NPAS3: variants seen among roughly 807,000 people sequenced by gnomAD.
NPAS3 encodes the protein neuronal PAS domain protein 3.
In NPAS3, 14 loss-of-function variants were observed where a neutral mutation model predicts 73.1. That is an observed-to-expected ratio of 0.19 (90% CI 0.13 to 0.30). NPAS3 has a LOEUF of 0.30. Among genes scored for constraint, NPAS3 ranks in the 10% least tolerant of loss-of-function variants. NPAS3 has a pLI of 1.00. For synonymous variants in NPAS3, 620 were observed against 541.5 expected (o/e 1.14, Z -2.01); for missense variants, 1,096 against 1,250.0 (o/e 0.88, Z 1.86).
chr14:33,247,039 G>GAGAA (rs796205346), intron 3 of NPAS3, among the ~76,000 whole-genome samples: 1 of 151,590 alleles, frequency 6.6e-6, no homozygotes, highest in Middle Eastern at 3.4e-3. Context: ...AAACAAAAAA[G>GAGAA]AGAAAGAAAG....
chr14:33,697,771 T>G (rs1443817750), intron 6 of NPAS3, among the ~76,000 whole-genome samples: 1 of 152,216 alleles, frequency 6.6e-6, no homozygotes, highest in Non-Finnish European at 1.5e-5. Context: ...ACCCAGTGTT[T>G]TAGACTTCCA....
In NPAS3 at chr14:33,731,563, C is replaced by T. The variant is rs143393477; in HGVS notation, c.734-3651C>T. On this transcript the variant is annotated intron_variant, in intron 6 of 11. Coordinates refer to ENST00000356141, the Ensembl canonical transcript of NPAS3. ...GGCCCTAGTTTCAGCCCAGTGAGAA[C>T]TAGGTGGCTCCCAGACACCTCCTCT... Among the ~76,000 whole-genome samples the T allele has an allele frequency of 3.1e-4, 47 of 152,156 alleles. 2 individuals carry two copies. The East Asian group carries it at 8.9e-3, about 29-fold the overall frequency.
chr14:33,635,250 G>A (rs1331684602), intron 5 of NPAS3, among the ~76,000 whole-genome samples: 1 of 152,212 alleles, frequency 6.6e-6, no homozygotes, highest in Non-Finnish European at 1.5e-5. Flanking sequence ...CATCACATCT[G>A]AGAATTAGCA....
intron 4 of NPAS3, among the ~76,000 whole-genome samples, chr14:33,502,756 C>G (rs1390203651): frequency 6.6e-6 from 1 of 151,910 alleles, no homozygotes; most frequent in Non-Finnish European, 1.5e-5. Context: ...TCCTAGTTTC[C>G]TTCTCTTCTG....
chr14:33,215,051 G>A, intron 2 of NPAS3, 131 bp from the exon 3 acceptor site: 1 of 925,076 alleles, frequency 1.1e-6, no homozygotes, highest in Non-Finnish European at 1.6e-6. Flanking sequence ...TCATTTTACT[G>A]TCACTCTCTA....
chr14:33,377,812 G>A (rs1351975197), intron 4 of NPAS3, among the ~76,000 whole-genome samples: 1 of 152,188 alleles, frequency 6.6e-6, no homozygotes, highest in African/African-American at 2.4e-5. Flanking sequence ...ATTACCTCAA[G>A]TGGCCAGGTT....
intron 3 of NPAS3, among the ~76,000 whole-genome samples, chr14:33,295,123 T>C (rs2042243978): frequency 1.3e-5 from 2 of 152,314 alleles, no homozygotes; most frequent in Middle Eastern, 3.4e-3. Context: ...AACGTAGCTA[T>C]GCAAAAATAA....
intron 3 of NPAS3, among the ~76,000 whole-genome samples, chr14:33,361,178 G>A (rs1043526869): frequency 6.6e-6 from 1 of 152,156 alleles, no homozygotes; most frequent in Admixed American, 6.5e-5. Flanking sequence ...AGAAAGGTGG[G>A]TAGGCGAAGT....
At chr14:33,513,238 TA>T (rs1227301332) in intron 4 of NPAS3, among the ~76,000 whole-genome samples, 1 of 152,032 alleles carries the variant, frequency 6.6e-6, no homozygotes, top group African/African-American at 2.4e-5. Flanking sequence ...ACTCATGAGC[TA>T]AGGTCACAGA....
At chr14:32,956,637 TTTATAA>T (rs2036682196) in intron 1 of NPAS3, among the ~76,000 whole-genome samples, 2 of 152,194 alleles carry the variant, frequency 1.3e-5, no homozygotes, top group Non-Finnish European at 2.9e-5. Flanking sequence ...TTCTCCAAAG[TTTATAA>T]TCTGTTGACA....
At chr14:33,491,246 T>G (rs1196967837) in intron 4 of NPAS3, among the ~76,000 whole-genome samples, 4 of 151,616 alleles carry the variant, frequency 2.6e-5, no homozygotes, top group African/African-American at 4.9e-5. Context: ...ATTTAAAGTT[T>G]TTTTTTTTTC....
intron 4 of NPAS3, among the ~76,000 whole-genome samples, chr14:33,426,828 C>T (rs2048573300): frequency 6.6e-6 from 1 of 152,012 alleles, no homozygotes; most frequent in Admixed American, 6.6e-5. Flanking sequence ...CTCACTTTAT[C>T]ATGGAAAGTT....
At chr14:33,623,835 TCTTTA>T (rs2058149048) in intron 5 of NPAS3, among the ~76,000 whole-genome samples, 1 of 152,196 alleles carries the variant, frequency 6.6e-6, no homozygotes, top group African/African-American at 2.4e-5. Context: ...ATGATTTTGT[TCTTTA>T]CTTGACTATC....
chr14:33,524,150 G>A lies in NPAS3; in HGVS notation c.469-35971G>A, dbSNP rs2053685445. Among the ~76,000 whole-genome samples, 3 of 152,260 alleles carry A rather than the reference G, an allele frequency of 2.0e-5. No individual in the cohort carries two copies. The South Asian group carries it at 6.2e-4, about 32-fold the overall frequency. On this transcript the variant is annotated intron_variant, in intron 4 of 11. Transcript: ENST00000356141. ...TAAATGTCACCTCCTCAGAAAGACT[G>A]TCTTGACAACACTGCTGAAAGTACT...
chr14:33,208,818 C>T (rs568954902), intron 2 of NPAS3, among the ~76,000 whole-genome samples: 22 of 152,312 alleles, frequency 1.4e-4, no homozygotes, highest in African/African-American at 5.3e-4. Context: ...TTCCAAACAA[C>T]CATTACAACT....
intron 4 of NPAS3, among the ~76,000 whole-genome samples, chr14:33,407,792 C>T (rs1566875080): frequency 1.3e-5 from 2 of 152,082 alleles, no homozygotes; most frequent in Non-Finnish European, 2.9e-5. Context: ...CTTTCTCTGC[C>T]TATCTAACAC....
intron 2 of NPAS3, among the ~76,000 whole-genome samples, chr14:33,139,172 A>G (rs1269537953): frequency 1.3e-5 from 2 of 152,174 alleles, no homozygotes; most frequent in African/African-American, 4.8e-5. Flanking sequence ...AGTGAGGATC[A>G]CAAATGGCTT....
chr14:33,309,827 G>T (rs1156601418), intron 3 of NPAS3, among the ~76,000 whole-genome samples: 1 of 152,178 alleles, frequency 6.6e-6, no homozygotes, highest in Non-Finnish European at 1.5e-5. Flanking sequence ...CCCCTGGCAT[G>T]TTAAAAGGCG....
intron 5 of NPAS3, among the ~76,000 whole-genome samples, chr14:33,592,293 C>T (rs1382270243): frequency 6.6e-6 from 1 of 152,134 alleles, no homozygotes; most frequent in Non-Finnish European, 1.5e-5. Context: ...TCATCAATTA[C>T]ACAGGTATTT....
Sources: allele counts gnomAD v4.1 joint callset (sites outside exome capture counted in the v4.1 genomes callset), GRCh38; gene constraint gnomAD v4.1.1; transcripts MANE v1.5; gene names NCBI Gene and HGNC (gene_info 2026-07-23, HGNC 2026-07-21).